The following SLC35H1 variants were observed in gnomAD, a reference collection of about 807,000 sequenced individuals.
The protein encoded by SLC35H1 is solute carrier family 35 member H1, also known as ovarian cancer-overexpressed gene 1 protein.
chr20:46,358,472 C>T, the SLC35H1 span: 3 of 1,614,210 alleles, frequency 1.9e-6, no homozygotes, highest in Non-Finnish European at 2.5e-6. Context: ...CACCGCCTTC[C>T]ACAAAAAGGC....
At chr20:46,362,483 C>A in the SLC35H1 span, among the ~76,000 whole-genome samples, 213 of 152,270 alleles carry the variant, frequency 1.4e-3, no homozygotes, top group African/African-American at 4.5e-3. Flanking sequence ...GAGTTAGACA[C>A]TGAGAATCAA....
chr20:46,348,976 C>T, the SLC35H1 span: 1 of 152,244 alleles, frequency 6.6e-6, no homozygotes. Context: ...TATTAAAGTT[C>T]TCCTGGGCTT....
the SLC35H1 span, chr20:46,352,312 G>A: frequency 1.1e-5 from 13 of 1,174,126 alleles, no homozygotes; most frequent in East Asian, 3.0e-4. Flanking sequence ...ATCTTCCACT[G>A]TAGTAGTGAG....
chr20:46,355,405 C>G, the SLC35H1 span: 3 of 744,238 alleles, frequency 4.0e-6, no homozygotes, highest in Non-Finnish European at 6.5e-6. The surrounding 1 kb of genome is among the most constrained non-coding windows in gnomAD (Gnocchi z 4.8). Flanking sequence ...CCTTGCCCAC[C>G]AATGTCAGCA....
the SLC35H1 span, among the ~76,000 whole-genome samples, chr20:46,354,041 C>A: frequency 1.4e-4 from 21 of 152,200 alleles, no homozygotes; most frequent in African/African-American, 4.3e-4. Flanking sequence ...AGAAAGGGGA[C>A]AAAGGCTAAT....
At chr20:46,355,156 C>T in the SLC35H1 span, 1 of 1,614,106 alleles carries the variant, frequency 6.2e-7, no homozygotes, top group Non-Finnish European at 8.5e-7. This position sits in a 1 kb window ranked among gnomAD's most constrained non-coding sequence, Gnocchi z 4.8. Flanking sequence ...CAAGGCGAAG[C>T]CCTCCACGTT....
chr20:46,360,210 T>C, the SLC35H1 span, among the ~76,000 whole-genome samples: 1 of 152,256 alleles, frequency 6.6e-6, no homozygotes, highest in Non-Finnish European at 1.5e-5. Flanking sequence ...TCCATGGTTC[T>C]GCTGTGAACT....
At chr20:46,355,393 G>T in the SLC35H1 span, 1 of 822,220 alleles carries the variant, frequency 1.2e-6, no homozygotes, top group Non-Finnish European at 1.9e-6. The surrounding 1 kb of genome is among the most constrained non-coding windows in gnomAD (Gnocchi z 4.8). Flanking sequence ...GTCCTGGACA[G>T]TCCTTGCCCA....
chr20:46,357,160 TC>T, the SLC35H1 span, among the ~76,000 whole-genome samples: 1 of 152,130 alleles, frequency 6.6e-6, no homozygotes, highest in Non-Finnish European at 1.5e-5. Flanking sequence ...GGCCAACCAG[TC>T]CCACGCATCC....
chr20:46,353,140 TG>T, the SLC35H1 span: 1 of 152,250 alleles, frequency 6.6e-6, no homozygotes, highest in African/African-American at 2.4e-5. Context: ...TACAGAGCTG[TG>T]GGACTTGGGC....
At chr20:46,357,525 G>T in the SLC35H1 span, 1 of 1,391,766 alleles carries the variant, frequency 7.2e-7, no homozygotes, top group Non-Finnish European at 9.9e-7. Context: ...AAGAGGGGAG[G>T]GACTTGGCTT....
chr20:46,352,460 A>C, the SLC35H1 span: 2 of 526,884 alleles, frequency 3.8e-6, no homozygotes, highest in Non-Finnish European at 6.8e-6. Flanking sequence ...GGGCAATACA[A>C]GCCAGATCCT....
At chr20:46,355,361 C>T in the SLC35H1 span, 1 of 1,106,984 alleles carries the variant, frequency 9.0e-7, no homozygotes, top group Non-Finnish European at 1.3e-6. The surrounding 1 kb of genome is among the most constrained non-coding windows in gnomAD (Gnocchi z 4.8). Flanking sequence ...AATCCTTCCA[C>T]CCTTCAGCTC....
the SLC35H1 span, among the ~76,000 whole-genome samples, chr20:46,353,647 C>T: frequency 6.6e-6 from 1 of 152,286 alleles, no homozygotes; most frequent in African/African-American, 2.4e-5. Flanking sequence ...CGGGGAAGAG[C>T]AGCATAAGTA....
the SLC35H1 span, chr20:46,352,313 T>C: frequency 1.1e-5 from 13 of 1,174,170 alleles, no homozygotes; most frequent in South Asian, 1.6e-4. Context: ...TCTTCCACTG[T>C]AGTAGTGAGT....
the SLC35H1 span, chr20:46,358,828 G>GA: frequency 1.9e-6 from 2 of 1,037,668 alleles, no homozygotes; most frequent in Admixed American, 4.0e-5. Context: ...AGCCATGGGT[G>GA]CCTCTGAAGG....
At chr20:46,350,692 A>C in the SLC35H1 span, 1 of 1,573,314 alleles carries the variant, frequency 6.4e-7, no homozygotes, top group South Asian at 1.2e-5. Flanking sequence ...CACTTCCTGC[A>C]TCAGAATCAC....
the SLC35H1 span, chr20:46,352,190 A>C: frequency 2.8e-5 from 45 of 1,614,222 alleles, no homozygotes; most frequent in African/African-American, 4.8e-4. Flanking sequence ...TGTGTCCTGG[A>C]AACGGAAGAT....
chr20:46,352,016 C>T, the SLC35H1 span: 2 of 1,608,760 alleles, frequency 1.2e-6, no homozygotes. Context: ...GGCTCCCTCT[C>T]TAAGACAGGA....
Sources: allele counts gnomAD v4.1 joint callset (sites outside exome capture counted in the v4.1 genomes callset), GRCh38; gene constraint gnomAD v4.1.1; non-coding constraint Gnocchi (gnomAD v3.1); transcripts MANE v1.5; gene names NCBI Gene and HGNC (gene_info 2026-07-23, HGNC 2026-07-21).